ZFPM2: variants seen among roughly 807,000 people sequenced by gnomAD.
ZFPM2 encodes zinc finger protein, FOG family member 2.
A neutral mutation model predicts 98.6 loss-of-function variants in ZFPM2; 20 were observed. The observed-to-expected ratio is 0.20, with a 90% confidence interval of 0.14 to 0.29. ZFPM2 has a LOEUF of 0.29. ZFPM2 is among the 10% of genes least tolerant of loss of function. The probability of loss-of-function intolerance (pLI) is 1.00; values close to 1 mark genes in which losing one functional copy is unlikely to be tolerated. For synonymous variants in ZFPM2, 518 were observed against 502.7 expected (o/e 1.03, Z -0.41); for missense variants, 1,310 against 1,388.6 (o/e 0.94, Z 0.90).
intron 4 of ZFPM2, among the ~76,000 whole-genome samples, chr8:105,615,408 T>C (rs1011007317): frequency 1.3e-5 from 2 of 152,128 alleles, no homozygotes; most frequent in African/African-American, 4.8e-5. Flanking sequence ...TTAGGGAAAA[T>C]TCATTTTGAT....
At chr8:105,707,141 G>C (rs539928810) in intron 5 of ZFPM2, among the ~76,000 whole-genome samples, 1 of 151,060 alleles carries the variant, frequency 6.6e-6, no homozygotes. Context: ...TACTTGGGAG[G>C]CTGAAGCAGA....
intron 4 of ZFPM2, among the ~76,000 whole-genome samples, chr8:105,587,121 C>T (rs1815737602): frequency 6.6e-6 from 1 of 150,928 alleles, no homozygotes; most frequent in African/African-American, 2.4e-5. Context: ...CTAAAAAATA[C>T]AAAAAATTAA....
At chr8:105,476,252 G>A (rs1324089657) in intron 3 of ZFPM2, among the ~76,000 whole-genome samples, 1 of 152,168 alleles carries the variant, frequency 6.6e-6, no homozygotes, top group Non-Finnish European at 1.5e-5. Flanking sequence ...CCCATGGCCT[G>A]TTAGGAGCCG....
chr8:105,731,348 T>C (rs1431435019), intron 5 of ZFPM2, among the ~76,000 whole-genome samples: 1 of 151,460 alleles, frequency 6.6e-6, no homozygotes, highest in Non-Finnish European at 1.5e-5. Context: ...TATTTGCCCA[T>C]TGTGATTACA....
chr8:105,791,451 T>C lies in ZFPM2; in HGVS notation c.739+2527T>C, dbSNP rs1451113910. Among the ~76,000 whole-genome samples, 9 of 152,106 alleles carry C rather than the reference T, an allele frequency of 5.9e-5. 1 individual carries two copies. Among genetic ancestry groups the C allele is most frequent in the Admixed American group, 3.3e-4 (5 of 15,272 alleles). ...CCCAGGGATGAAGCCCACTTGATCATGGTGGATAAGCTTTTTGATGTGCTG... is the reference window on the plus strand; with the variant it reads ...CCCAGGGATGAAGCCCACTTGATCACGGTGGATAAGCTTTTTGATGTGCTG... On this transcript the variant is annotated intron_variant, in intron 6 of 7. Coordinates refer to ENST00000407775, the MANE Select transcript of ZFPM2 (RefSeq NM_012082.4).
intron 3 of ZFPM2, among the ~76,000 whole-genome samples, chr8:105,454,413 G>A (rs1219601405): frequency 6.6e-6 from 1 of 152,170 alleles, no homozygotes; most frequent in African/African-American, 2.4e-5. Context: ...CTTTATATCA[G>A]CAGGCACATA....
intron 4 of ZFPM2, 56 bp downstream of exon 4, chr8:105,561,537 C>A: frequency 7.5e-7 from 1 of 1,341,970 alleles, no homozygotes; most frequent in African/African-American, 1.5e-5. Context: ...AGTATTTTGC[C>A]ATAGCTCAGA....
At chr8:105,747,980 A>G (rs942474711) in intron 5 of ZFPM2, among the ~76,000 whole-genome samples, 7 of 152,104 alleles carry the variant, frequency 4.6e-5, no homozygotes, top group Admixed American at 4.6e-4. Context: ...AGCGTTTGGT[A>G]TATAGGCATT....
At chr8:105,600,111 A>G (rs1360525391) in intron 4 of ZFPM2, among the ~76,000 whole-genome samples, 1 of 152,150 alleles carries the variant, frequency 6.6e-6, no homozygotes, top group Non-Finnish European at 1.5e-5. Context: ...ATGTTTGCCT[A>G]CTGTATCTTT....
intron 5 of ZFPM2, among the ~76,000 whole-genome samples, chr8:105,750,617 A>G (rs1485583920): frequency 6.6e-6 from 1 of 151,980 alleles, no homozygotes; most frequent in Non-Finnish European, 1.5e-5. Flanking sequence ...CAGAGATTTT[A>G]CTCCATGTAC....
chr8:105,441,843 G>A (rs1197815247), intron 2 of ZFPM2, among the ~76,000 whole-genome samples: 1 of 152,068 alleles, frequency 6.6e-6, no homozygotes, highest in Non-Finnish European at 1.5e-5. Context: ...AGCAGGAGGA[G>A]GCTCAGTAGA....
intron 5 of ZFPM2, among the ~76,000 whole-genome samples, chr8:105,673,909 A>G (rs1817642539): frequency 6.6e-6 from 1 of 152,208 alleles, no homozygotes; most frequent in Non-Finnish European, 1.5e-5. Context: ...AAAGAGGAAA[A>G]TTGGAAGATC....
At chr8:105,732,968 C>T (rs1416342003) in intron 5 of ZFPM2, among the ~76,000 whole-genome samples, 7 of 151,758 alleles carry the variant, frequency 4.6e-5, no homozygotes, top group Non-Finnish European at 1.0e-4. Context: ...TAAAACAAAG[C>T]AGAATATAAA....
intron 3 of ZFPM2, among the ~76,000 whole-genome samples, chr8:105,510,116 A>G (rs1813786109): frequency 6.6e-6 from 1 of 152,110 alleles, no homozygotes; most frequent in Admixed American, 6.5e-5. Context: ...CCCAACATTT[A>G]ATATTGAGCT....
At chr8:105,641,196 C>G (rs1265829046) in intron 5 of ZFPM2, among the ~76,000 whole-genome samples, 1 of 151,988 alleles carries the variant, frequency 6.6e-6, no homozygotes, top group Non-Finnish European at 1.5e-5. Flanking sequence ...AAGGAGTCCA[C>G]ATGCCAGCTC....
intron 1 of ZFPM2, among the ~76,000 whole-genome samples, chr8:105,400,839 A>T (rs1215121634): frequency 1.3e-5 from 2 of 152,072 alleles, no homozygotes; most frequent in Non-Finnish European, 2.9e-5. Context: ...CATTAGCCCT[A>T]TTTCCAGTGC....
intron 3 of ZFPM2, among the ~76,000 whole-genome samples, chr8:105,502,540 T>G (rs1267942442): frequency 6.6e-6 from 1 of 152,198 alleles, no homozygotes; most frequent in Non-Finnish European, 1.5e-5. Context: ...CCAGTCAGCT[T>G]AGCTTTGATA....
chr8:105,447,087 A>G (rs1812389163), intron 3 of ZFPM2, among the ~76,000 whole-genome samples: 1 of 152,062 alleles, frequency 6.6e-6, no homozygotes, highest in Admixed American at 6.6e-5. Context: ...ATATTGGAAA[A>G]TGGGCTTTAC....
intron 1 of ZFPM2, among the ~76,000 whole-genome samples, chr8:105,360,388 T>C (rs1387887291): frequency 2.0e-5 from 3 of 152,162 alleles, no homozygotes; most frequent in Non-Finnish European, 2.9e-5. Context: ...AGGAAACAGA[T>C]GAAAAATGGA....
Sources: gnomAD v4.1 joint callset for allele counts (sites outside exome capture counted in the v4.1 genomes callset) on GRCh38, gnomAD v4.1.1 for gene constraint, MANE v1.5 for transcripts, NCBI Gene and HGNC (gene_info 2026-07-23, HGNC 2026-07-21) for gene names.